The following PAX7 variants were observed in gnomAD, a reference collection of about 807,000 sequenced individuals.
The protein encoded by PAX7 is paired box 7, also known as paired box protein Pax-7.
Under a neutral mutation model 50.7 loss-of-function variants are expected in PAX7, and 18 were observed. The observed-to-expected ratio is 0.36, with a 90% CI of 0.25 to 0.53. The LOEUF (loss-of-function observed/expected upper bound fraction) is 0.53. Among genes scored for constraint, PAX7 ranks in the 20% least tolerant of loss-of-function variants. PAX7 has a pLI of 0.93. For synonymous variants in PAX7, 310 were observed against 290.4 expected (o/e 1.07, Z -0.69); for missense variants, 644 against 702.9 (o/e 0.92, Z 0.95).
chr1:18,655,609 C>T lies in PAX7; in HGVS notation c.586+19238C>T, dbSNP rs183047337. Among the ~76,000 whole-genome samples the T allele has an allele frequency of 5.9e-5, 9 of 152,334 alleles. No homozygotes were observed. The East Asian group carries it at 1.7e-3, about 29-fold the overall frequency. ...TGCAGTCGGCGGGAGGGTTTCCAGG[C>T]CTGTCAGCTGAAGTCTGGCGGCCTC... On this transcript the variant is annotated intron_variant, in intron 4 of 8. Transcript: ENST00000420770.
chr1:18,633,730 G>C (rs1198381167), intron 1 of PAX7, among the ~76,000 whole-genome samples: 1 of 152,190 alleles, frequency 6.6e-6, no homozygotes, highest in Admixed American at 6.5e-5. Context: ...ACAGTTCCAC[G>C]GCTCTAGCCA....
At chr1:18,696,239 G>A (rs946795348) in intron 5 of PAX7, among the ~76,000 whole-genome samples, 1 of 151,966 alleles carries the variant, frequency 6.6e-6, no homozygotes, top group African/African-American at 2.4e-5. Context: ...CTAATTTTTT[G>A]TATTTTTAAT....
At chr1:18,633,576 T>G (rs1042091075) in intron 1 of PAX7, among the ~76,000 whole-genome samples, 4 of 152,166 alleles carry the variant, frequency 2.6e-5, no homozygotes, top group African/African-American at 4.8e-5. Context: ...AGTAGTGTCC[T>G]AAAATTGTCC....
intron 4 of PAX7, among the ~76,000 whole-genome samples, chr1:18,670,080 C>CT: frequency 1.5e-5 from 1 of 66,244 alleles, no homozygotes; most frequent in East Asian, 2.9e-4. Flanking sequence ...GAGACTCCAT[C>CT]TCAAAAAAAA....
chr1:18,668,424 G>A (rs555924678), intron 4 of PAX7, among the ~76,000 whole-genome samples: 2 of 152,304 alleles, frequency 1.3e-5, no homozygotes, highest in African/African-American at 4.8e-5. Context: ...ACAATGGCCA[G>A]GTGTGGTGGC....
At chr1:18,694,210 C>T (rs565624368) in intron 5 of PAX7, among the ~76,000 whole-genome samples, 1 of 152,162 alleles carries the variant, frequency 6.6e-6, no homozygotes, top group African/African-American at 2.4e-5. Context: ...TCCTGTAATC[C>T]CAGCCCTTTG....
chr1:18,651,055 G>C (rs1324866353), intron 4 of PAX7, among the ~76,000 whole-genome samples: 2 of 152,124 alleles, frequency 1.3e-5, no homozygotes, highest in Admixed American at 6.5e-5. Flanking sequence ...CCTGGACTTG[G>C]AATCAGTAAG....
chr1:18,631,273 C>G lies in PAX7; in HGVS notation c.-331C>G, dbSNP rs2100409319. On this transcript the variant is annotated 5_prime_UTR_variant, in exon 1 of 9. Coordinates refer to ENST00000420770, the MANE Select transcript of PAX7 (RefSeq NM_001135254.2). The stretch of plus-strand genomic sequence containing the variant: ...GCGGGGCCTGGTCTCCGGGTTCTGC[C>G]AGGCGCATCAGCCCGCACAACTTCT... The G allele has an allele frequency of 3.8e-6, 1 of 262,256 alleles. No individual in the cohort carries two copies. The highest frequency in any genetic ancestry group is 5.3e-5 in the Admixed American group (1 of 18,978). 16.2% of individuals were successfully genotyped at this position (262,256 alleles called of 1,614,324 possible).
At chr1:18,737,839 G>A (rs1319158150) in intron 8 of PAX7, among the ~76,000 whole-genome samples, 2 of 152,250 alleles carry the variant, frequency 1.3e-5, no homozygotes, top group Non-Finnish European at 2.9e-5. Context: ...GCATAGGTAT[G>A]CATATGTCAA....
At chr1:18,640,845 G>A (rs2088240392) in intron 4 of PAX7, among the ~76,000 whole-genome samples, 1 of 151,030 alleles carries the variant, frequency 6.6e-6, no homozygotes, top group Non-Finnish European at 1.5e-5. Flanking sequence ...CGGGCCGGGG[G>A]CTGGGGGGGA....
intron 7 of PAX7, among the ~76,000 whole-genome samples, chr1:18,718,668 G>A (rs2089458319): frequency 6.6e-6 from 1 of 151,262 alleles, no homozygotes. Flanking sequence ...TTTGAGATGG[G>A]AGTCTCGCTG....
intron 5 of PAX7, among the ~76,000 whole-genome samples, chr1:18,699,436 G>A (rs116128381): frequency 3.3e-5 from 5 of 152,094 alleles, no homozygotes; most frequent in Admixed American, 6.5e-5. Context: ...GGAACAGCAT[G>A]TGCAAAGCTG....
chr1:18,743,490 G>T (rs1276127118), intron 8 of PAX7, among the ~76,000 whole-genome samples: 1 of 152,234 alleles, frequency 6.6e-6, no homozygotes, highest in Non-Finnish European at 1.5e-5. Context: ...CTGTGGTCAG[G>T]TGACAGAACA....
At chr1:18,664,753 C>T (rs1416176636) in intron 4 of PAX7, among the ~76,000 whole-genome samples, 1 of 151,938 alleles carries the variant, frequency 6.6e-6, no homozygotes, top group Non-Finnish European at 1.5e-5. Flanking sequence ...AAGGTGAGCC[C>T]CCGAGAAGGG....
chr1:18,741,888 A>G (rs4255354), intron 8 of PAX7, among the ~76,000 whole-genome samples: 1 of 152,228 alleles, frequency 6.6e-6, no homozygotes, highest in South Asian at 2.1e-4. Context: ...GCTGGGATCC[A>G]GGCTCAGACT....
At chr1:18,725,457 A>G (rs1383858736) in intron 7 of PAX7, among the ~76,000 whole-genome samples, 4 of 151,994 alleles carry the variant, frequency 2.6e-5, no homozygotes, top group Non-Finnish European at 5.9e-5. Flanking sequence ...AGCTCGGCCA[A>G]TTAGGCCCCT....
At chr1:18,645,079 C>A (rs574984905) in intron 4 of PAX7, among the ~76,000 whole-genome samples, 22 of 152,344 alleles carry the variant, frequency 1.4e-4, no homozygotes, top group African/African-American at 5.3e-4. Context: ...GCTTTGTGGG[C>A]TTCCCTCTTC....
At chr1:18,654,683 C>G (rs755119539) in intron 4 of PAX7, among the ~76,000 whole-genome samples, 5 of 152,208 alleles carry the variant, frequency 3.3e-5, no homozygotes, top group Non-Finnish European at 7.3e-5. Context: ...AGCATGCTCA[C>G]GTCCAGTTGG....
At chr1:18,734,763 C>T (rs1010302021) in intron 7 of PAX7, among the ~76,000 whole-genome samples, 7 of 152,220 alleles carry the variant, frequency 4.6e-5, no homozygotes, top group Non-Finnish European at 1.0e-4. Flanking sequence ...CGACCGAGGG[C>T]AGGGACCATG....
Sources: gnomAD v4.1 joint callset for allele counts (sites outside exome capture counted in the v4.1 genomes callset) on GRCh38, gnomAD v4.1.1 for gene constraint, MANE v1.5 for transcripts, NCBI Gene and HGNC (gene_info 2026-07-23, HGNC 2026-07-21) for gene names.